FBXL7: variants seen among roughly 807,000 people sequenced by gnomAD.
FBXL7 encodes F-box/LRR-repeat protein 7.
A neutral mutation model predicts 38.3 loss-of-function variants in FBXL7; 12 were observed. The observed-to-expected ratio is 0.31, with a 90% CI of 0.20 to 0.51. FBXL7 has a LOEUF of 0.51. Among genes scored for constraint, FBXL7 ranks in the 20% least tolerant of loss-of-function variants. The pLI is 0.98. For missense variants in FBXL7, 567 were observed against 676.4 expected, an observed-to-expected ratio of 0.84 and a Z score of 1.79; for synonymous variants, 297 against 300.9, an observed-to-expected ratio of 0.99 and a Z score of 0.13.
intron 1 of FBXL7, among the ~76,000 whole-genome samples, chr5:15,553,822 C>T (rs1431527729): frequency 6.6e-6 from 1 of 152,218 alleles, no homozygotes; most frequent in Admixed American, 6.5e-5. Flanking sequence ...CTCTCAGTCA[C>T]CTGGAGGGAG....
intron 1 of FBXL7, among the ~76,000 whole-genome samples, chr5:15,598,043 T>C (rs2126489342): frequency 6.6e-6 from 1 of 152,354 alleles, no homozygotes; most frequent in African/African-American, 2.4e-5. Context: ...ATGACCGCAA[T>C]TTATATGATA....
intron 1 of FBXL7, among the ~76,000 whole-genome samples, chr5:15,552,023 T>TA (rs1475201625): frequency 6.6e-6 from 1 of 152,252 alleles, no homozygotes; most frequent in Non-Finnish European, 1.5e-5. Context: ...GATTACTACT[T>TA]ACATTTGTTG....
At chr5:15,915,029 C>A (rs1003640666) in intron 2 of FBXL7, among the ~76,000 whole-genome samples, 4 of 152,188 alleles carry the variant, frequency 2.6e-5, no homozygotes, top group Non-Finnish European at 4.4e-5. Flanking sequence ...TGACCAGGAG[C>A]TTGAGTGATG....
In FBXL7 at chr5:15,939,340, C is replaced by G. The variant is rs2126479833; in HGVS notation, c.*2154C>G. ...ATTTGGGTGTCACAAAGGATTGTCCCTAATCCTTGGCCCTGGGGTCTTCCG... is the reference window on the plus strand; with the variant it reads ...ATTTGGGTGTCACAAAGGATTGTCCGTAATCCTTGGCCCTGGGGTCTTCCG... On this transcript the variant is annotated 3_prime_UTR_variant, in exon 4 of 4. Coordinates refer to ENST00000504595, the MANE Select transcript of FBXL7 (RefSeq NM_012304.5). 3.3e-6 allele frequency: 1 copy of G among 306,664 alleles called. No individual in the cohort carries two copies. The highest frequency in any genetic ancestry group is 5.9e-6 in the Non-Finnish European group (1 of 168,474). The allele number at this position is 306,664 out of a possible 1,614,324, so 19.0% of individuals were successfully genotyped here.
chr5:15,514,719 G>A (rs1736888124), intron 1 of FBXL7, among the ~76,000 whole-genome samples: 1 of 152,118 alleles, frequency 6.6e-6, no homozygotes. Flanking sequence ...TGTACAGATG[G>A]CCTCTTCAGG....
chr5:15,654,418 G>GAAAAAAAAA (rs200453697), intron 2 of FBXL7, among the ~76,000 whole-genome samples: 4 of 126,394 alleles, frequency 3.2e-5, no homozygotes, highest in Non-Finnish European at 5.1e-5. Flanking sequence ...ATAAAAAACT[G>GAAAAAAAAA]AAAAAAAAAA....
intron 2 of FBXL7, among the ~76,000 whole-genome samples, chr5:15,771,146 G>A (rs190658730): frequency 6.4e-4 from 97 of 152,300 alleles, no homozygotes; most frequent in African/African-American, 2.2e-3. Context: ...GTCATTGGTG[G>A]ACCTGAGAAG....
chr5:15,840,228 G>A (rs1038326708), intron 2 of FBXL7, among the ~76,000 whole-genome samples: 2 of 152,108 alleles, frequency 1.3e-5, no homozygotes, highest in Non-Finnish European at 2.9e-5. Flanking sequence ...AGTGTGCCTT[G>A]AAAAGTCTTT....
At chr5:15,712,518 A>G (rs1743908347) in intron 2 of FBXL7, among the ~76,000 whole-genome samples, 2 of 152,274 alleles carry the variant, frequency 1.3e-5, no homozygotes, top group East Asian at 1.9e-4. Flanking sequence ...GAAGTGTTGC[A>G]TTAAAATATT....
At chr5:15,582,791 G>C (rs1235362610) in intron 1 of FBXL7, among the ~76,000 whole-genome samples, 1 of 152,150 alleles carries the variant, frequency 6.6e-6, no homozygotes, top group Non-Finnish European at 1.5e-5. Flanking sequence ...AAGTGCTTGA[G>C]CCCCCTCACC....
intron 2 of FBXL7, among the ~76,000 whole-genome samples, chr5:15,835,445 C>A (rs1343431363): frequency 2.0e-5 from 3 of 152,048 alleles, no homozygotes; most frequent in Non-Finnish European, 4.4e-5. Context: ...TTTTTAAGAA[C>A]CAATATTAGA....
At chr5:15,774,792 G>T (rs1044981843) in intron 2 of FBXL7, among the ~76,000 whole-genome samples, 17 of 152,184 alleles carry the variant, frequency 1.1e-4, no homozygotes, top group Admixed American at 2.6e-4. Context: ...CTTGAATTTG[G>T]AGGTGAAAGT....
rs57825713 is a variant in FBXL7, at chr5:15,830,485, A to AACACACAC, written c.128-97372_128-97365dup. 2.3e-3 allele frequency among the ~76,000 whole-genome samples: 338 copies of AACACACAC among 144,292 alleles called. 3 individuals are homozygous for AACACACAC. The highest frequency in any genetic ancestry group is 8.2e-3 in the African/African-American group (318 of 38,762). 94.7% of individuals were successfully genotyped at this position (144,292 alleles called of 152,430 possible). A position where few individuals can be genotyped will look rare whatever the true frequency, so the allele number is the denominator to read the frequency against. ...GGCGACAGAGTGAGACTCCATCTAA[A>AACACACAC]ACACACACACACACACACACACACA... On this transcript the variant is annotated intron_variant, in intron 2 of 3. Coordinates refer to ENST00000504595, the MANE Select transcript of FBXL7 (RefSeq NM_012304.5).
At chr5:15,922,306 T>C (rs1741764512) in intron 2 of FBXL7, among the ~76,000 whole-genome samples, 1 of 152,176 alleles carries the variant, frequency 6.6e-6, no homozygotes, top group Admixed American at 6.5e-5. Flanking sequence ...TTATGTGTTA[T>C]GAAAATGTAC....
chr5:15,512,320 CTATT>C (rs1736820913), intron 1 of FBXL7, among the ~76,000 whole-genome samples: 2 of 152,188 alleles, frequency 1.3e-5, no homozygotes, highest in South Asian at 4.1e-4. Flanking sequence ...AGTTTAATCT[CTATT>C]TCTTTTACTG....
intron 1 of FBXL7, among the ~76,000 whole-genome samples, chr5:15,557,023 C>T (rs1445492538): frequency 3.3e-5 from 5 of 152,284 alleles, no homozygotes; most frequent in East Asian, 1.9e-4. Context: ...CTGCAAGCTC[C>T]GCTTCCTGGG....
intron 1 of FBXL7, among the ~76,000 whole-genome samples, chr5:15,599,440 GA>G (rs1739725587): frequency 6.6e-6 from 1 of 152,154 alleles, no homozygotes; most frequent in Non-Finnish European, 1.5e-5. Context: ...TTTAGGAAGA[GA>G]AAGTTGGCTA....
At chr5:15,750,810 G>A (rs540954882) in intron 2 of FBXL7, among the ~76,000 whole-genome samples, 1 of 152,210 alleles carries the variant, frequency 6.6e-6, no homozygotes, top group Non-Finnish European at 1.5e-5. Context: ...GCATACAAGA[G>A]CACAGAAAAC....
chr5:15,716,148 G>A (rs1263701490), intron 2 of FBXL7, among the ~76,000 whole-genome samples: 1 of 152,158 alleles, frequency 6.6e-6, no homozygotes, highest in Non-Finnish European at 1.5e-5. Context: ...ATGTTTTTGT[G>A]TACAGCTTTC....
Sources: allele counts gnomAD v4.1 joint callset (sites outside exome capture counted in the v4.1 genomes callset), GRCh38; gene constraint gnomAD v4.1.1; transcripts MANE v1.5; gene names NCBI Gene and HGNC (gene_info 2026-07-23, HGNC 2026-07-21).